Variants in ZNF335 observed in about 807,000 individuals in gnomAD.
ZNF335 encodes the protein NRC-interacting factor 1.
ZNF335 carries 84 observed loss-of-function variants against 145.6 expected under a neutral mutation model. The ratio of observed to expected loss-of-function variants is 0.58; its 90% CI spans 0.48 to 0.69. The LOEUF (loss-of-function observed/expected upper bound fraction) is 0.69. ZNF335 is among the 30% of genes least tolerant of loss of function. The pLI, the probability that ZNF335 is intolerant of heterozygous loss-of-function variation, is 0.00. For missense variants in ZNF335, 1,865 were observed against 1,809.7 expected, an observed-to-expected ratio of 1.03 and a Z score of -0.55; for synonymous variants, 761 against 717.0, an observed-to-expected ratio of 1.06 and a Z score of -0.98.
intron 1 of ZNF335, 82 bp downstream of exon 1, chr20:45,972,040 C>A (rs2084083041): frequency 8.0e-7 from 1 of 1,251,810 alleles, no homozygotes. Context: ...CGGCCTGGGA[C>A]CTCGCCTCCG....
At position 45,963,735 on chromosome 20, in the gene ZNF335, T is replaced by C; in HGVS notation, c.1355+3A>G. On this transcript the variant is annotated splice_donor_region_variant and intron_variant, in intron 8 of 27. Coordinates refer to ENST00000322927, the MANE Select transcript of ZNF335 (RefSeq NM_022095.4). ...GCCCCACCCTCACCTCTGCTCCACA[T>C]ACTTGCGGTATTTCTTGCCTAGGAA... is the stretch of plus-strand genomic sequence containing the variant. 1 of 1,614,122 alleles carries C rather than the reference T, an allele frequency of 6.2e-7. No homozygotes were observed. The highest frequency in any genetic ancestry group is 8.5e-7 in the Non-Finnish European group (1 of 1,179,984).
chr20:45,970,419 T>C (rs1235712805), intron 2 of ZNF335, among the ~76,000 whole-genome samples: 1 of 152,270 alleles, frequency 6.6e-6, no homozygotes, highest in Non-Finnish European at 1.5e-5. Context: ...GTGCTTACAA[T>C]GTGCTGAGCA....
At chr20:45,958,022 C>A in intron 15 of ZNF335, 94 bp from the exon 16 acceptor site, 1 of 977,372 alleles carries the variant, frequency 1.0e-6, no homozygotes, top group Non-Finnish European at 1.6e-6. Context: ...TGTTTTACAT[C>A]TGTTGGCTTG....
chr20:45,971,238 T>C lies in ZNF335; in HGVS notation c.173A>G (p.Gln58Arg). 6.4e-7 allele frequency: 1 copy of C among 1,550,624 alleles called. No individual in the cohort carries two copies. Among genetic ancestry groups the C allele is most frequent in the East Asian group, 2.4e-5 (1 of 41,530 alleles). The change falls in exon 2 of 28, where the codon CAA becomes CGA. Residue 58 changes from glutamine to arginine, a missense_variant. Gln to Arg is a conservative substitution (Grantham distance 43). Transcript: ENST00000322927. ...QAEADDSGVG[Q>R]SSDRGSRSQE... is the part of the protein sequence containing the mutation. Reference sequence around the variant, plus strand: ...AGAACGGCTGCCGCGGTCCGAGCTTTGCCCCACGCCAGAGTCATCGGCCTC... The same window carrying C: ...AGAACGGCTGCCGCGGTCCGAGCTTCGCCCCACGCCAGAGTCATCGGCCTC...
chr20:45,953,864 C>G lies in ZNF335; in HGVS notation c.2527G>C (p.Val843Leu). ...QPSPEGATPQ[V>L]VTLHVAEPGG... Reference sequence around the variant, plus strand: ...GGCTCTGCCACGTGGAGGGTGACCACCTGTGGAGTGGCACCTTCAGGGGAG... The same window carrying G: ...GGCTCTGCCACGTGGAGGGTGACCAGCTGTGGAGTGGCACCTTCAGGGGAG... Residue 843 changes from valine to leucine, a missense_variant, in exon 18 of 28, where the codon GTG becomes CTG. Transcript: ENST00000322927. The G allele has an allele frequency of 6.2e-7, 1 of 1,613,946 alleles. No individual in the cohort carries two copies. The highest frequency in any genetic ancestry group is 8.5e-7 in the Non-Finnish European group (1 of 1,180,006).
At chr20:45,965,601 C>A (rs558023938) in intron 7 of ZNF335, 27 bp downstream of exon 7, 4 of 1,583,082 alleles carry the variant, frequency 2.5e-6, no homozygotes, top group African/African-American at 1.4e-5. Flanking sequence ...CCCACCCACA[C>A]GAGCCCCTCC....
At chr20:45,958,077 GTCTC>G (rs1191992506) in intron 15 of ZNF335, 149 bp from the exon 16 acceptor site, 8 of 639,362 alleles carry the variant, frequency 1.3e-5, no homozygotes, top group Non-Finnish European at 1.9e-5. Flanking sequence ...TTGAGATGGA[GTCTC>G]TCTGTCATGC....
At position 45,969,669 on chromosome 20, in the gene ZNF335, GAGCTGCTC is replaced by G; in HGVS notation, c.216_223del (p.Glu72AspfsTer8). On this transcript the variant is annotated frameshift_variant, in exon 3 of 28. Coordinates refer to ENST00000322927, the MANE Select transcript of ZNF335 (RefSeq NM_022095.4). LOFTEE classifies it high-confidence loss of function. ...GCTATTAGGCAGGGGGTCTGCGCTC[GAGCTGCTC>G]TCAGATACCTCCTCCTGAGGGGCAT... 1 of 1,611,842 alleles carries G rather than the reference GAGCTGCTC, an allele frequency of 6.2e-7. No individual in the cohort carries two copies. The highest frequency in any genetic ancestry group is 8.5e-7 in the Non-Finnish European group (1 of 1,179,160).
At chr20:45,971,703 T>A (rs1296825059) in intron 1 of ZNF335, 1 of 985,296 alleles carries the variant, frequency 1.0e-6, no homozygotes, top group African/African-American at 1.7e-5. Context: ...ACCCTTTCCC[T>A]CGCCCCCACG....
At position 45,968,013 on chromosome 20, in the gene ZNF335, A is replaced by G. The variant is rs2083992211; in HGVS notation, c.535T>C (p.Ser179Pro). Residue 179 changes from serine (S) to proline (P), a missense_variant, in exon 5 of 28, where the codon TCA becomes CCA. Transcript: ENST00000322927. ...GCCAAGGTGGAACTGGACATTGGTG[A>G]TGTCATGGGGGCTCCTGGGGATGGG... ...QGPDDGAPMT[S>P]PMSSSTLAHS... is the part of the protein sequence containing the mutation. 3 of 1,612,344 alleles carry G rather than the reference A, an allele frequency of 1.9e-6. No individual in the cohort carries two copies. Among genetic ancestry groups the G allele is most frequent in the African/African-American group, 1.3e-5 (1 of 74,874 alleles).
In ZNF335 at chr20:45,960,534, G is replaced by C. The variant is rs1481591820; in HGVS notation, c.1783-9C>G. 6.2e-7 allele frequency: 1 copy of C among 1,613,930 alleles called. No homozygotes were observed. The highest frequency in any genetic ancestry group is 8.5e-7 in the Non-Finnish European group (1 of 1,179,828). The stretch of plus-strand genomic sequence containing the variant: ...TTAAAGGACTTTCCACACTGTGAGG[G>C]GTGGAGAGCAGTGAGATGGCGATCA... On this transcript the variant is annotated splice_polypyrimidine_tract_variant and intron_variant, in intron 12 of 27. Transcript: ENST00000322927.
At chr20:45,962,819 G>GT (rs1379433495) in intron 9 of ZNF335, among the ~76,000 whole-genome samples, 1,471 of 83,442 alleles carry the variant, frequency 0.018, 68 homozygotes, top group African/African-American at 0.055. Flanking sequence ...TTTTTTGTTT[G>GT]TTTGTTTTTT....
At chr20:45,952,050 A>G in intron 20 of ZNF335, 97 bp downstream of exon 20, 1 of 1,467,224 alleles carries the variant, frequency 6.8e-7, no homozygotes, top group Non-Finnish European at 9.1e-7. Flanking sequence ...AGAGGAGAGC[A>G]GAGGATCTGG....
chr20:45,953,757 C>T lies in ZNF335; in HGVS notation c.2634G>A (p.Gly878=). 6.2e-7 allele frequency: 1 copy of T among 1,614,116 alleles called. No homozygotes were observed. The highest frequency in any genetic ancestry group is 1.6e-4 in the Middle Eastern group (1 of 6,062). Residue 878 remains glycine (G), a synonymous_variant, in exon 18 of 28, where the codon GGG becomes GGA. Coordinates refer to ENST00000322927, the MANE Select transcript of ZNF335 (RefSeq NM_022095.4). The part of the protein sequence containing the change: ...QITLAPGPFG[G]TGYSVITAPP... Reference sequence around the variant, plus strand: ...GTGCTGTGATGACACTGTAGCCAGTCCCACCAAATGGACCAGGTGCCAGGG... The same window carrying T: ...GTGCTGTGATGACACTGTAGCCAGTTCCACCAAATGGACCAGGTGCCAGGG...
chr20:45,960,494 A>T lies in ZNF335; in HGVS notation c.1814T>A (p.Phe605Tyr). ...CGKSFKKRYTFKMHLLTHIQA... is the reference protein window; with the variant it reads ...CGKSFKKRYTYKMHLLTHIQA... ...GATGTGCGTGAGCAGGTGCATTTTGAAGGTGTAGCGCTTCTTAAAGGACTT... is the reference window on the plus strand; with the variant it reads ...GATGTGCGTGAGCAGGTGCATTTTGTAGGTGTAGCGCTTCTTAAAGGACTT... Residue 605 changes from phenylalanine to tyrosine, a missense_variant, in exon 13 of 28, where the codon TTC becomes TAC. Phe to Tyr is a conservative substitution (Grantham distance 22). Coordinates refer to ENST00000322927, the MANE Select transcript of ZNF335 (RefSeq NM_022095.4). 6.2e-7 allele frequency: 1 copy of T among 1,614,094 alleles called. No individual in the cohort carries two copies. The highest frequency in any genetic ancestry group is 8.5e-7 in the Non-Finnish European group (1 of 1,180,024).
Position 45,959,443 on chromosome 20 carries a change from C to T in ZNF335, c.2021-10G>A. 7.0e-7 allele frequency: 1 copy of T among 1,426,302 alleles called. No individual in the cohort carries two copies. The highest frequency in any genetic ancestry group is 9.3e-7 in the Non-Finnish European group (1 of 1,074,308). 88.4% of individuals were successfully genotyped at this position (1,426,302 alleles called of 1,614,324 possible). On this transcript the variant is annotated splice_polypyrimidine_tract_variant and intron_variant, in intron 14 of 27. Coordinates refer to ENST00000322927, the MANE Select transcript of ZNF335 (RefSeq NM_022095.4). Reference sequence around the variant, plus strand: ...GCGAAGGGCTTGGCCCCTGGAGGCACATGTTGGGGCATGCTTAAGTCTGCC... The same window carrying T: ...GCGAAGGGCTTGGCCCCTGGAGGCATATGTTGGGGCATGCTTAAGTCTGCC...
Sources: gnomAD v4.1 joint callset for allele counts (sites outside exome capture counted in the v4.1 genomes callset) on GRCh38, gnomAD v4.1.1 for gene constraint, MANE v1.5 for transcripts, NCBI Gene and HGNC (gene_info 2026-07-23, HGNC 2026-07-21) for gene names.